Variants in CDK14 observed in about 807,000 individuals in gnomAD.
CDK14 encodes cyclin-dependent kinase 14.
Under a neutral mutation model 60.7 loss-of-function variants are expected in CDK14, and 34 were observed. That is an observed-to-expected ratio of 0.56 (90% confidence interval 0.43 to 0.75). The LOEUF (loss-of-function observed/expected upper bound fraction) is 0.75, where lower values mean the gene tolerates loss of function less well. Ranked by LOEUF, CDK14 falls within the 30% of genes least tolerant of loss-of-function variation. CDK14 has a pLI of 0.00. For missense variants in CDK14, 482 were observed against 564.1 expected (o/e 0.85, Z 1.47); for synonymous variants, 197 against 203.7 (o/e 0.97, Z 0.28).
intron 8 of CDK14, among the ~76,000 whole-genome samples, chr7:90,928,919 A>G (rs1313235105): frequency 3.9e-5 from 6 of 152,108 alleles, no homozygotes; most frequent in Admixed American, 3.9e-4. Context: ...AGCCTCAGCA[A>G]TGGCGACGCC....
chr7:90,832,996 G>T (rs1427583124), intron 5 of CDK14, among the ~76,000 whole-genome samples: 1 of 152,134 alleles, frequency 6.6e-6, no homozygotes, highest in Non-Finnish European at 1.5e-5. Context: ...CCATCACCTT[G>T]TCACCCATCA....
At chr7:90,923,581 G>A (rs150084551) in intron 8 of CDK14, among the ~76,000 whole-genome samples, 3 of 152,104 alleles carry the variant, frequency 2.0e-5, no homozygotes, top group South Asian at 4.1e-4. Flanking sequence ...GCTAAGAATG[G>A]CAGCTTCAAA....
At position 90,917,724 on chromosome 7, in the gene CDK14, G is replaced by A. The variant is rs756057096; in HGVS notation, c.826G>A (p.Gly276Ser). Residue 276 changes from glycine to serine, a missense_variant and splice_region_variant, in exon 8 of 15, where the codon GGT becomes AGT. Coordinates refer to ENST00000380050, the MANE Select transcript of CDK14 (RefSeq NM_001287135.2). ...GGGGGAGTTAAAGCTGGCAGATTTCGGTAGGAAAGCAGTTAATTACCAGTC... is the reference window on the plus strand; with the variant it reads ...GGGGGAGTTAAAGCTGGCAGATTTCAGTAGGAAAGCAGTTAATTACCAGTC... ...DTGELKLADF[G>S]LARAKSVPSH... The A allele has an allele frequency of 2.5e-6, 4 of 1,612,232 alleles. No homozygotes were observed. The highest frequency in any genetic ancestry group is 2.2e-5 in the East Asian group (1 of 44,830).
chr7:90,845,812 C>T (rs559135658), intron 5 of CDK14, among the ~76,000 whole-genome samples: 13 of 152,152 alleles, frequency 8.5e-5, no homozygotes, highest in African/African-American at 3.1e-4. Flanking sequence ...TCCTTGGTGA[C>T]ACTATTATGT....
intron 11 of CDK14, among the ~76,000 whole-genome samples, chr7:91,056,062 A>G (rs965533706): frequency 1.5e-4 from 23 of 152,330 alleles, no homozygotes; most frequent in Admixed American, 1.4e-3. Context: ...CTTTCCAAAA[A>G]CTTTTAAAAA....
intron 5 of CDK14, among the ~76,000 whole-genome samples, chr7:90,839,914 C>G (rs1790233434): frequency 6.6e-6 from 1 of 152,078 alleles, no homozygotes. Flanking sequence ...GGTTTGCTTG[C>G]TGGGATGTTT....
chr7:91,106,726 A>G (rs1474301408), intron 12 of CDK14, among the ~76,000 whole-genome samples: 1 of 152,238 alleles, frequency 6.6e-6, no homozygotes, highest in East Asian at 1.9e-4. Flanking sequence ...GGAGCCATCC[A>G]CTTGGAGAAC....
intron 5 of CDK14, among the ~76,000 whole-genome samples, chr7:90,828,927 A>C (rs777693393): frequency 2.0e-5 from 3 of 152,126 alleles, no homozygotes; most frequent in Non-Finnish European, 2.9e-5. Context: ...AGATTGGGCA[A>C]TTTATAAACA....
At chr7:90,668,735 G>T in intron 2 of CDK14, among the ~76,000 whole-genome samples, 2 of 102,074 alleles carry the variant, frequency 2.0e-5, no homozygotes, top group African/African-American at 7.6e-5. Flanking sequence ...TTCAACTGGG[G>T]CCTTGTTCTG....
chr7:90,683,431 G>A (rs1189823479), intron 2 of CDK14, among the ~76,000 whole-genome samples: 1 of 152,180 alleles, frequency 6.6e-6, no homozygotes, highest in Non-Finnish European at 1.5e-5. Context: ...AGATTTTACA[G>A]GCTTTTATTT....
chr7:90,949,230 G>A (rs1794185006), intron 8 of CDK14, among the ~76,000 whole-genome samples: 1 of 151,946 alleles, frequency 6.6e-6, no homozygotes, highest in Non-Finnish European at 1.5e-5. Flanking sequence ...TTTAGATGGA[G>A]TTTCACTATT....
chr7:90,880,257 G>A (rs1791702685), intron 6 of CDK14, among the ~76,000 whole-genome samples: 1 of 152,204 alleles, frequency 6.6e-6, no homozygotes, highest in Non-Finnish European at 1.5e-5. Flanking sequence ...TAGAGGCAGG[G>A]AGGCTGAACA....
At chr7:90,952,148 G>T (rs1794282019) in intron 8 of CDK14, among the ~76,000 whole-genome samples, 1 of 152,100 alleles carries the variant, frequency 6.6e-6, no homozygotes, top group Non-Finnish European at 1.5e-5. Context: ...AAAGGGAGTG[G>T]TCAGCAGAGT....
At chr7:91,052,790 T>C (rs201267174) in intron 11 of CDK14, among the ~76,000 whole-genome samples, 58 of 152,346 alleles carry the variant, frequency 3.8e-4, no homozygotes, top group African/African-American at 1.3e-3. Flanking sequence ...AAGGAAAAGT[T>C]AGCCAATGGA....
At chr7:90,607,269 C>T (rs1298204439) in intron 2 of CDK14, among the ~76,000 whole-genome samples, 1 of 152,140 alleles carries the variant, frequency 6.6e-6, no homozygotes, top group Non-Finnish European at 1.5e-5. Context: ...ACTCTACAGT[C>T]CATTGGAATC....
At chr7:91,089,573 A>G (rs1457836009) in intron 12 of CDK14, among the ~76,000 whole-genome samples, 2 of 148,074 alleles carry the variant, frequency 1.4e-5, no homozygotes, top group Admixed American at 6.7e-5. Flanking sequence ...CTGAGGGGAA[A>G]AAAAAAAAAA....
At chr7:90,635,775 ATTC>A (rs1394572092) in intron 2 of CDK14, among the ~76,000 whole-genome samples, 1 of 151,974 alleles carries the variant, frequency 6.6e-6, no homozygotes, top group Non-Finnish European at 1.5e-5. Flanking sequence ...AGCATGGAAT[ATTC>A]TTCCATTTGT....
chr7:90,918,850 T>C (rs570096131), intron 8 of CDK14, among the ~76,000 whole-genome samples: 2 of 152,340 alleles, frequency 1.3e-5, no homozygotes, highest in Admixed American at 1.3e-4. Flanking sequence ...GTTTTATAAA[T>C]TCTTTTATTC....
intron 14 of CDK14, among the ~76,000 whole-genome samples, chr7:91,121,814 A>T (rs1234694286): frequency 6.6e-6 from 1 of 152,224 alleles, no homozygotes; most frequent in African/African-American, 2.4e-5. Flanking sequence ...ACCCTTCTAA[A>T]GTCTGAGAGA....
Sources: gnomAD v4.1 joint callset for allele counts (sites outside exome capture counted in the v4.1 genomes callset) on GRCh38, gnomAD v4.1.1 for gene constraint, MANE v1.5 for transcripts, NCBI Gene and HGNC (gene_info 2026-07-23, HGNC 2026-07-21) for gene names.